TCF7L1: variants seen among roughly 807,000 people sequenced by gnomAD.
TCF7L1 encodes the protein transcription factor 7-like 1.
In TCF7L1, 18 loss-of-function variants were observed where a neutral mutation model predicts 63.7. The ratio of observed to expected loss-of-function variants is 0.28; its 90% CI spans 0.20 to 0.42. The LOEUF (loss-of-function observed/expected upper bound fraction) is 0.42, where lower values mean the gene tolerates loss of function less well. TCF7L1 is among the 10% of genes least tolerant of loss of function. The pLI, the probability that TCF7L1 is intolerant of heterozygous loss-of-function variation, is 1.00. For synonymous variants in TCF7L1, 355 were observed against 340.9 expected, an observed-to-expected ratio of 1.04 and a Z score of -0.46; for missense variants, 654 against 779.3, an observed-to-expected ratio of 0.84 and a Z score of 1.91.
At chr2:85,245,973 T>G (rs1364488806) in intron 3 of TCF7L1, among the ~76,000 whole-genome samples, 1 of 152,186 alleles carries the variant, frequency 6.6e-6, no homozygotes, top group Admixed American at 6.5e-5. Context: ...AGCTCTCCTT[T>G]GCCCAGAAAG....
intron 4 of TCF7L1, 130 bp from the exon 5 acceptor site, chr2:85,302,354 G>A: frequency 7.8e-7 from 1 of 1,278,214 alleles, no homozygotes; most frequent in Non-Finnish European, 1.1e-6. Context: ...TCATCTCTCA[G>A]GGACTGTTTT....
rs1223384336 is a variant in TCF7L1 at position 85,244,216 on chromosome 2, CAG to C, written c.442-39278_442-39277del. Among the ~76,000 whole-genome samples, 6 of 152,154 alleles carry C rather than the reference CAG, an allele frequency of 3.9e-5. No individual in the cohort carries two copies. In the East Asian group the frequency reaches 7.7e-4, roughly 20 times the overall value. ...GAAGGAGGCACAGTCAGAAAGGGGA[CAG>C]GGGGCTGGTCACAGGGGCATGCAGC... On this transcript the variant is annotated intron_variant, in intron 3 of 11. Coordinates refer to ENST00000282111, the MANE Select transcript of TCF7L1 (RefSeq NM_031283.3).
In TCF7L1 at chr2:85,251,910, C is replaced by T. The variant is rs112218796; in HGVS notation, c.442-31585C>T. 1.6e-3 allele frequency among the ~76,000 whole-genome samples: 245 copies of T among 152,252 alleles called. 1 individual carries two copies. Among genetic ancestry groups the T allele is most frequent in the African/African-American group, 5.7e-3 (236 of 41,534 alleles). On this transcript the variant is annotated intron_variant, in intron 3 of 11. Coordinates refer to ENST00000282111, the MANE Select transcript of TCF7L1 (RefSeq NM_031283.3). ...GTAACACAGCAAAACCCCATCACTA[C>T]AAACGATACAAAAAATTAGCCAGGC...
intron 11 of TCF7L1, among the ~76,000 whole-genome samples, chr2:85,308,631 C>T (rs1342619336): frequency 6.6e-6 from 1 of 151,738 alleles, no homozygotes; most frequent in Non-Finnish European, 1.5e-5. Flanking sequence ...GAGTGGAACC[C>T]GTACCTGCTA....
chr2:85,244,336 T>C (rs7566763), intron 3 of TCF7L1, among the ~76,000 whole-genome samples: 34,553 of 152,168 alleles, frequency 0.23, 5,373 homozygotes, highest in East Asian at 0.62. Flanking sequence ...CGTAGCGCCA[T>C]GGCTGCCATG....
At chr2:85,242,147 C>T (rs1187942910) in intron 3 of TCF7L1, among the ~76,000 whole-genome samples, 1 of 152,170 alleles carries the variant, frequency 6.6e-6, no homozygotes, top group African/African-American at 2.4e-5. Flanking sequence ...TCAAACCAAG[C>T]ATTTACCTAC....
chr2:85,169,799 G>A (rs1681404023), intron 3 of TCF7L1, among the ~76,000 whole-genome samples: 1 of 152,092 alleles, frequency 6.6e-6, no homozygotes, highest in Admixed American at 6.5e-5. Context: ...CCCTGGTCTG[G>A]GTTCTTCCTT....
intron 3 of TCF7L1, among the ~76,000 whole-genome samples, chr2:85,195,038 T>A (rs988816701): frequency 2.6e-5 from 4 of 152,354 alleles, no homozygotes; most frequent in African/African-American, 9.6e-5. Context: ...CTACAGTCCT[T>A]TTTCGCAGCA....
rs1166987043 is a variant in TCF7L1, at chr2:85,256,774, C to T, written c.442-26721C>T. On this transcript the variant is annotated intron_variant, in intron 3 of 11. Coordinates refer to ENST00000282111, the MANE Select transcript of TCF7L1 (RefSeq NM_031283.3). ...GAGGTGGGTGGATCACCTGAGGTGT[C>T]AGGAGTTCGAGACCAGCCTGGCCAA... 5.3e-5 allele frequency among the ~76,000 whole-genome samples: 8 copies of T among 152,160 alleles called. No homozygotes were observed. The South Asian group carries it at 6.2e-4, about 12-fold the overall frequency.
Position 85,303,765 on chromosome 2 carries a change from GGACAAT to G in TCF7L1, c.659-125_659-120del, listed in dbSNP as rs1467756587. The stretch of plus-strand genomic sequence containing the variant: ...CTGCTAGGGAGTTGACAGAGGGCAA[GGACAAT>G]GACACAAGCACCTGCTAGGCTCCAG... On this transcript the variant is annotated intron_variant, in intron 5 of 11. Coordinates refer to ENST00000282111, the MANE Select transcript of TCF7L1 (RefSeq NM_031283.3). 1.5e-4 allele frequency: 100 copies of G among 660,900 alleles called. 1 individual carries two copies. In the East Asian group the frequency reaches 2.7e-3, roughly 18 times the overall value. 40.9% of individuals were successfully genotyped at this position (660,900 alleles called of 1,614,324 possible). A position where few individuals can be genotyped will look rare whatever the true frequency, so the allele number is the denominator to read the frequency against.
intron 3 of TCF7L1, among the ~76,000 whole-genome samples, chr2:85,222,971 G>T (rs1679880378): frequency 1.3e-5 from 2 of 152,160 alleles, no homozygotes; most frequent in Non-Finnish European, 1.5e-5. Flanking sequence ...AGGAGTGGGT[G>T]GGGGATGGAT....
At chr2:85,235,169 T>A (rs1302374315) in intron 3 of TCF7L1, among the ~76,000 whole-genome samples, 2 of 152,140 alleles carry the variant, frequency 1.3e-5, no homozygotes, top group Non-Finnish European at 2.9e-5. Context: ...GCCACCATAC[T>A]GTTAACCACT....
At chr2:85,250,585 G>T (rs1363783285) in intron 3 of TCF7L1, among the ~76,000 whole-genome samples, 8 of 151,854 alleles carry the variant, frequency 5.3e-5, no homozygotes, top group Admixed American at 5.2e-4. Flanking sequence ...TACAGGCGCC[G>T]GCCACCACGC....
chr2:85,295,775 C>CTT (rs56373561), intron 4 of TCF7L1, among the ~76,000 whole-genome samples: 47,106 of 100,728 alleles, frequency 0.47, 12,264 homozygotes, highest in East Asian at 0.78. Flanking sequence ...GTAACATTTA[C>CTT]TTTTTTTTTT....
At chr2:85,140,747 G>A (rs1677708916) in intron 3 of TCF7L1, among the ~76,000 whole-genome samples, 1 of 152,074 alleles carries the variant, frequency 6.6e-6, no homozygotes, top group Non-Finnish European at 1.5e-5. Context: ...CTGTATCCCA[G>A]CTACTTGGGA....
chr2:85,298,766 C>T (rs937443901), intron 4 of TCF7L1, among the ~76,000 whole-genome samples: 3 of 152,028 alleles, frequency 2.0e-5, no homozygotes, highest in African/African-American at 7.2e-5. Context: ...GAGGGGTGTG[C>T]GGTGGTTCCC....
intron 5 of TCF7L1, among the ~76,000 whole-genome samples, chr2:85,302,961 A>G (rs956787831): frequency 6.6e-6 from 1 of 152,210 alleles, no homozygotes; most frequent in Non-Finnish European, 1.5e-5. Flanking sequence ...TAAACTGAAC[A>G]TTTTTAAATA....
In TCF7L1 at chr2:85,304,324, C is replaced by T. The variant is rs374821654; in HGVS notation, c.831C>T (p.Asn277=). Residue 277 remains asparagine (N), a synonymous_variant, in exon 7 of 12, where the codon AAC becomes AAT. Coordinates refer to ENST00000282111, the MANE Select transcript of TCF7L1 (RefSeq NM_031283.3). ...ACCCTTACCCCGCCCTCGCCATGAACGCCTCGATGTCCAGGTGAGTCCCGG... is the reference window on the plus strand; with the variant it reads ...ACCCTTACCCCGCCCTCGCCATGAATGCCTCGATGTCCAGGTGAGTCCCGG... ...FRHPYPALAM[N]ASMSSLVSSR... is the part of the protein sequence containing the mutation. The T allele has an allele frequency of 1.2e-4, 195 of 1,613,920 alleles. No homozygotes were observed. Among genetic ancestry groups the T allele is most frequent in the Admixed American group, 2.5e-4 (15 of 59,998 alleles).
chr2:85,259,119 C>G (rs1680795733), intron 3 of TCF7L1, among the ~76,000 whole-genome samples: 1 of 152,226 alleles, frequency 6.6e-6, no homozygotes, highest in South Asian at 2.1e-4. Context: ...CATTGTCATT[C>G]TGTCCCCCAC....
Sources: gnomAD v4.1 joint callset for allele counts (sites outside exome capture counted in the v4.1 genomes callset) on GRCh38, gnomAD v4.1.1 for gene constraint, MANE v1.5 for transcripts, NCBI Gene and HGNC (gene_info 2026-07-23, HGNC 2026-07-21) for gene names.